Variants in COL4A5 observed in about 807,000 individuals in gnomAD.
COL4A5 encodes collagen alpha-5(IV) chain.
In COL4A5, 26 loss-of-function variants were observed where a neutral mutation model predicts 130.2. The observed-to-expected ratio is 0.20, with a 90% CI of 0.15 to 0.28. The LOEUF (loss-of-function observed/expected upper bound fraction) is 0.28, where lower values mean the gene tolerates loss of function less well. Among genes scored for constraint, COL4A5 ranks in the 10% least tolerant of loss-of-function variants. The pLI is 1.00. For missense variants in COL4A5, 1,131 were observed against 1,344.3 expected (o/e 0.84, Z 2.48); for synonymous variants, 496 against 439.6 (o/e 1.13, Z -1.60).
intron 37 of COL4A5, among the ~76,000 whole-genome samples, chrX:108,662,997 A>G (rs1432973502): frequency 1.8e-5 from 2 of 112,402 alleles, no homozygotes; most frequent in Non-Finnish European, 3.8e-5. Context: ...TATCATAGCC[A>G]TAGTAACATT....
chrX:108,516,748 G>T (rs955878539), intron 1 of COL4A5, among the ~76,000 whole-genome samples: 1 of 111,562 alleles, frequency 9.0e-6, no homozygotes, highest in African/African-American at 3.3e-5. Context: ...AAAATCTGAT[G>T]ATTTTATTAT....
At chrX:108,578,042 T>C in intron 11 of COL4A5, 36 bp from the exon 12 acceptor site, 1 of 1,199,787 alleles carries the variant, frequency 8.3e-7, no homozygotes, top group Non-Finnish European at 1.1e-6. Context: ...TTTCTTACTG[T>C]CAGTGAGATT....
chrX:108,501,443 A>G (rs767278491), intron 1 of COL4A5, among the ~76,000 whole-genome samples: 12 of 111,842 alleles, frequency 1.1e-4, no homozygotes, highest in African/African-American at 3.9e-4. Flanking sequence ...CTGTTTTGAT[A>G]AGGTACTAAA....
Position 108,563,869 on chromosome X carries a change from T to C in COL4A5, c.232-13T>C, listed in dbSNP as rs777808210. Reference sequence around the variant, plus strand: ...TTTGACGGACAAAAACCTAAAAATATTGCATTTTTCAGGGTGATGATGGAA... The same window carrying C: ...TTTGACGGACAAAAACCTAAAAATACTGCATTTTTCAGGGTGATGATGGAA... On this transcript the variant is annotated splice_polypyrimidine_tract_variant and intron_variant, in intron 3 of 52. Transcript: ENST00000328300. 1.7e-6 allele frequency: 2 copies of C among 1,204,596 alleles called. No individual in the cohort carries two copies.
At chrX:108,532,954 C>T (rs1200230484) in intron 1 of COL4A5, among the ~76,000 whole-genome samples, 3 of 111,620 alleles carry the variant, frequency 2.7e-5, no homozygotes, top group African/African-American at 6.5e-5. Context: ...TTAAAGTCAT[C>T]GTATTGCCCA....
intron 1 of COL4A5, among the ~76,000 whole-genome samples, chrX:108,491,051 C>T (rs1464658734): frequency 1.8e-5 from 2 of 111,830 alleles, no homozygotes; most frequent in East Asian, 5.6e-4. Context: ...CAGTCTGTCA[C>T]GGATGGGGAT....
intron 1 of COL4A5, among the ~76,000 whole-genome samples, chrX:108,458,929 C>A (rs1037861198): frequency 1.8e-5 from 2 of 109,076 alleles, no homozygotes; most frequent in Admixed American, 9.7e-5. Context: ...GCAGTGAGCC[C>A]AGATCGCGCC....
At chrX:108,629,998 T>C (rs1014923657) in intron 36 of COL4A5, among the ~76,000 whole-genome samples, 2 of 111,971 alleles carry the variant, frequency 1.8e-5, no homozygotes, top group African/African-American at 6.5e-5. Context: ...TCATCTTTTT[T>C]ATGGCTGCAT....
intron 50 of COL4A5, chrX:108,694,564 T>C (rs867870011): frequency 1.6e-4 from 65 of 404,180 alleles, no homozygotes; most frequent in African/African-American, 1.4e-3. Flanking sequence ...TAGGGCATAA[T>C]GGAATATTAA....
intron 1 of COL4A5, among the ~76,000 whole-genome samples, chrX:108,518,364 C>T (rs181923755): frequency 5.4e-5 from 6 of 111,394 alleles, no homozygotes; most frequent in East Asian, 2.8e-4. Flanking sequence ...GCTAATCTCA[C>T]GAACTTTTCT....
At chrX:108,556,829 G>T (rs956723082) in intron 2 of COL4A5, among the ~76,000 whole-genome samples, 2 of 110,857 alleles carry the variant, frequency 1.8e-5, no homozygotes, top group East Asian at 5.7e-4. Context: ...AAAGGCTGTG[G>T]TATTGATCTT....
chrX:108,606,999 T>C, intron 29 of COL4A5, 107 bp downstream of exon 29: 2 of 808,456 alleles, frequency 2.5e-6, no homozygotes, highest in Non-Finnish European at 3.7e-6. Context: ...AACCCTATGC[T>C]GCCATTCTGT....
At chrX:108,662,564 C>A (rs2067983497) in intron 37 of COL4A5, among the ~76,000 whole-genome samples, 1 of 111,014 alleles carries the variant, frequency 9.0e-6, no homozygotes, top group African/African-American at 3.3e-5. Flanking sequence ...TCCTATACAC[C>A]AATAATAGAC....
chrX:108,610,453 T>A (rs1368621952), intron 29 of COL4A5, among the ~76,000 whole-genome samples: 1 of 111,969 alleles, frequency 8.9e-6, no homozygotes, highest in East Asian at 2.8e-4. Context: ...TGTTTTTGAC[T>A]AAACAATTCA....
At chrX:108,463,119 A>G (rs761119216) in intron 1 of COL4A5, 2 of 112,011 alleles carry the variant, frequency 1.8e-5, no homozygotes, top group East Asian at 5.6e-4. Context: ...ATAAATTGAC[A>G]CGGAGTTGCT....
chrX:108,449,155 A>G (rs1353534369), intron 1 of COL4A5, among the ~76,000 whole-genome samples: 1 of 111,929 alleles, frequency 8.9e-6, no homozygotes, highest in African/African-American at 3.3e-5. Context: ...AGTCACTCAC[A>G]CAACCACCTC....
chrX:108,548,365 TAGTC>T (rs1447840847), intron 2 of COL4A5, among the ~76,000 whole-genome samples: 2 of 111,254 alleles, frequency 1.8e-5, no homozygotes, highest in African/African-American at 6.5e-5. Context: ...TCAGAAGAAA[TAGTC>T]AGTAATCTTA....
In COL4A5 at chrX:108,634,073, C is replaced by T. The variant is rs1254218279; in HGVS notation, c.3246+7724C>T. On this transcript the variant is annotated intron_variant, in intron 36 of 52. Transcript: ENST00000328300. The stretch of plus-strand genomic sequence containing the variant: ...TCAAATTCTGTCACTAATTAGTAAC[C>T]ATGCATCTGTTCAGTTCCTGCACTG... Among the ~76,000 whole-genome samples, 7 of 111,031 alleles carry T rather than the reference C, an allele frequency of 6.3e-5. No individual in the cohort carries two copies. The Admixed American group carries it at 6.7e-4, about 11-fold the overall frequency.
At chrX:108,597,214 A>G in intron 23 of COL4A5, 146 bp downstream of exon 23, 1 of 749,648 alleles carries the variant, frequency 1.3e-6, no homozygotes, top group East Asian at 3.5e-5. Flanking sequence ...ACTCTTCCTG[A>G]CTCACATGCC....
Sources: gnomAD v4.1 joint callset for allele counts (sites outside exome capture counted in the v4.1 genomes callset) on GRCh38, gnomAD v4.1.1 for gene constraint, MANE v1.5 for transcripts, NCBI Gene and HGNC (gene_info 2026-07-23, HGNC 2026-07-21) for gene names.